PARK7: variants seen among roughly 807,000 people sequenced by gnomAD.
PARK7 encodes the protein Parkinsonism associated deglycase, also known as Parkinson disease protein 7.
PARK7 carries 14 observed loss-of-function variants against 20.5 expected under a neutral mutation model. The observed-to-expected ratio is 0.68, with a 90% CI of 0.45 to 1.07. The LOEUF is 1.07. Among genes scored for constraint, PARK7 ranks in the 50% least tolerant of loss-of-function variants. PARK7 has a pLI of 0.00. For synonymous variants in PARK7, 98 were observed against 84.3 expected (o/e 1.16, Z -0.89); for missense variants, 234 against 238.1 (o/e 0.98, Z 0.11).
chr1:7,965,357 G>C lies in PARK7; in HGVS notation c.124G>C (p.Asp42His). 6.2e-7 allele frequency: 1 copy of C among 1,614,174 alleles called. No homozygotes were observed. Among genetic ancestry groups the C allele is most frequent in the South Asian group, 1.1e-5 (1 of 91,088 alleles). Reference protein sequence around the residue: ...KVTVAGLAGKDPVQCSRDVVI... With the variant: ...KVTVAGLAGKHPVQCSRDVVI... The stretch of plus-strand genomic sequence containing the variant: ...CACCGTTGCAGGCCTGGCTGGAAAA[G>C]ACCCAGTACAGTGTAGCCGTGATGT... Residue 42 changes from aspartate to histidine, a missense_variant, in exon 3 of 7, where the codon GAC becomes CAC. By Grantham distance (81) the Asp-to-His change is moderately conservative. Transcript: ENST00000338639.
intron 6 of PARK7, among the ~76,000 whole-genome samples, chr1:7,982,589 G>A (rs1377281018): frequency 1.3e-5 from 2 of 152,154 alleles, no homozygotes; most frequent in Non-Finnish European, 2.9e-5. Flanking sequence ...CCCTGTTTGC[G>A]ATGTTTTAGC....
At chr1:7,980,242 T>A (rs772322301) in intron 6 of PARK7, among the ~76,000 whole-genome samples, 1 of 152,138 alleles carries the variant, frequency 6.6e-6, no homozygotes, top group African/African-American at 2.4e-5. Context: ...TAATTTACTT[T>A]AAGCTCATGG....
intron 3 of PARK7, among the ~76,000 whole-genome samples, chr1:7,967,495 C>T (rs140407371): frequency 1.3e-5 from 2 of 152,162 alleles, no homozygotes; most frequent in Non-Finnish European, 2.9e-5. Flanking sequence ...GAAGTGGTTA[C>T]CTTTTGTGTG....
In PARK7 at chr1:7,984,389, T is replaced by C. The variant is rs137882968; in HGVS notation, c.410-505T>C. Reference sequence around the variant, plus strand: ...GGGGATGCGGAAGGAAAGTAGTCCTTGAGAGGGAATGTGGTTTCTACCTGC... The same window carrying C: ...GGGGATGCGGAAGGAAAGTAGTCCTCGAGAGGGAATGTGGTTTCTACCTGC... On this transcript the variant is annotated intron_variant, in intron 6 of 6. Transcript: ENST00000338639. This position sits in a 1 kb window ranked among gnomAD's most constrained non-coding sequence, Gnocchi z 4.3. Among the ~76,000 whole-genome samples, 1 of 152,282 alleles carries C rather than the reference T, an allele frequency of 6.6e-6. No homozygotes were observed. Among genetic ancestry groups the C allele is most frequent in the East Asian group, 1.9e-4 (1 of 5,178 alleles).
intron 6 of PARK7, among the ~76,000 whole-genome samples, chr1:7,978,314 G>A (rs1640630416): frequency 6.6e-6 from 1 of 151,568 alleles, no homozygotes; most frequent in South Asian, 2.1e-4. Context: ...TTGACCTTGT[G>A]ATCTGCCTGC....
At chr1:7,965,525 T>G in intron 3 of PARK7, 100 bp downstream of exon 3, 2 of 1,058,196 alleles carry the variant, frequency 1.9e-6, no homozygotes, top group Non-Finnish European at 2.9e-6. Flanking sequence ...AGAAAATTAT[T>G]TTGCTTGAAT....
chr1:7,969,527 GAAA>G lies in PARK7; in HGVS notation c.252+130_252+132del, dbSNP rs550151906. 5 of 708,214 alleles carry G rather than the reference GAAA, an allele frequency of 7.1e-6. No individual in the cohort carries two copies. In the East Asian group the frequency reaches 1.5e-4, roughly 21 times the overall value. 43.9% of individuals were successfully genotyped at this position (708,214 alleles called of 1,614,324 possible). ...TTCAAATATTTCGGGAGGAGGCTGT[GAAA>G]AAAAAATAGAAACAACTAAAATTAA... On this transcript the variant is annotated intron_variant, in intron 4 of 6. Coordinates refer to ENST00000338639, the MANE Select transcript of PARK7 (RefSeq NM_007262.5).
Position 7,965,403 on chromosome 1 carries a change from G to T in PARK7, c.170G>T (p.Ser57Ile), listed in dbSNP as rs1418733118. 6.2e-7 allele frequency: 1 copy of T among 1,614,182 alleles called. No individual in the cohort carries two copies. Among genetic ancestry groups the T allele is most frequent in the Non-Finnish European group, 8.5e-7 (1 of 1,180,030 alleles). ...GATGTGGTCATTTGTCCTGATGCCA[G>T]CCTTGAAGATGCAAAAAAAGAGGTT... ...SRDVVICPDA[S>I]LEDAKKEGPY... The change falls in exon 3 of 7, where the codon AGC becomes ATC. Residue 57 changes from serine (S) to isoleucine (I), a missense_variant. Ser to Ile is a moderately radical substitution (Grantham distance 142). Transcript: ENST00000338639.
intron 5 of PARK7, among the ~76,000 whole-genome samples, chr1:7,972,909 G>T (rs1411456274): frequency 6.6e-6 from 1 of 152,086 alleles, no homozygotes; most frequent in Non-Finnish European, 1.5e-5. Context: ...CAGTTAGCTG[G>T]GTATGGTGAT....
Position 7,977,720 on chromosome 1 carries a change from G to A in PARK7, c.391G>A (p.Asp131Asn). 6.2e-7 allele frequency: 1 copy of A among 1,614,074 alleles called. No homozygotes were observed. The highest frequency in any genetic ancestry group is 2.2e-5 in the East Asian group (1 of 44,882). The change falls in exon 6 of 7, where the codon GAC (aspartate) becomes AAC (asparagine). Residue 131 changes from aspartate (D) to asparagine (N), a missense_variant. Coordinates refer to ENST00000338639, the MANE Select transcript of PARK7 (RefSeq NM_007262.5). ...SKVTTHPLAKDKMMNGGHYTY... is the reference protein window; with the variant it reads ...SKVTTHPLAKNKMMNGGHYTY... ...AGTTACAACACACCCTCTTGCTAAA[G>A]ACAAAATGATGAATGGAGGTAAGTA...
At chr1:7,965,216 C>A in intron 2 of PARK7, 108 bp from the exon 3 acceptor site, 1 of 982,868 alleles carries the variant, frequency 1.0e-6, no homozygotes, top group Non-Finnish European at 1.6e-6. Context: ...CCCTCTAGCC[C>A]AGGTGACAGG....
intron 5 of PARK7, among the ~76,000 whole-genome samples, chr1:7,975,100 C>T (rs1640550756): frequency 6.6e-6 from 1 of 152,072 alleles, no homozygotes; most frequent in South Asian, 2.1e-4. Flanking sequence ...GTGATCCGCC[C>T]ACCTTGGCCT....
At position 7,969,390 on chromosome 1, in the gene PARK7, C is replaced by T. The variant is rs1038749229; in HGVS notation, c.238C>T (p.Gln80Ter). The T allele has an allele frequency of 6.2e-7, 1 of 1,604,740 alleles. No homozygotes were observed. Among genetic ancestry groups the T allele is most frequent in the African/African-American group, 1.3e-5 (1 of 74,288 alleles). Residue 80 changes from glutamine to a stop codon, truncating the protein, a stop_gained, in exon 4 of 7, where the codon CAG (glutamine) becomes TAG (stop). Transcript: ENST00000338639. LOFTEE classifies it high-confidence loss of function. ...TCTACCAGGAGGTAATCTGGGCGCA[C>T]AGAATTTATCTGAGGTAAAAAATTC... ...VVLPGGNLGA[Q>*]NLSESAAVKE...
At position 7,962,759 on chromosome 1, in the gene PARK7, TAA is replaced by T; in HGVS notation, c.-23-3_-23-2del. 1 of 1,449,646 alleles carries T rather than the reference TAA, an allele frequency of 6.9e-7. No individual in the cohort carries two copies. The highest frequency in any genetic ancestry group is 9.5e-7 in the Non-Finnish European group (1 of 1,053,966). 89.8% of individuals were successfully genotyped at this position (1,449,646 alleles called of 1,614,324 possible). A position where few individuals can be genotyped will look rare whatever the true frequency, so the allele number is the denominator to read the frequency against. On this transcript the variant is annotated splice_acceptor_variant and splice_polypyrimidine_tract_variant and intron_variant, in intron 1 of 6. Coordinates refer to ENST00000338639, the MANE Select transcript of PARK7 (RefSeq NM_007262.5). LOFTEE classifies it low-confidence loss of function (5UTR_SPLICE). ...TGAAATCTTTTTTTTTTTTTTTTTT[TAA>T]GGCTTGTAAACATATAACATAAAAA...
In PARK7 at chr1:7,985,134, T is replaced by C. The variant is rs1368734223; in HGVS notation, c.*80T>C. ...ACTGTGTTCGCTCTAAACAAAACAG[T>C]GGTAGGTTAATGTGTTCAGAAGTCG... On this transcript the variant is annotated 3_prime_UTR_variant, in exon 7 of 7. Coordinates refer to ENST00000338639, the MANE Select transcript of PARK7 (RefSeq NM_007262.5). 5.2e-6 allele frequency: 8 copies of C among 1,549,908 alleles called. No homozygotes were observed. The highest frequency in any genetic ancestry group is 7.0e-6 in the Non-Finnish European group (8 of 1,146,402).
chr1:7,966,105 G>A (rs145476508), intron 3 of PARK7, among the ~76,000 whole-genome samples: 93 of 152,136 alleles, frequency 6.1e-4, no homozygotes, highest in Non-Finnish European at 1.2e-3. Context: ...TCAGAAACAT[G>A]CTCCCCCACA....
At position 7,970,965 on chromosome 1, in the gene PARK7, T is replaced by C; in HGVS notation, c.322+2T>C. 6.2e-7 allele frequency: 1 copy of C among 1,614,164 alleles called. No individual in the cohort carries two copies. The highest frequency in any genetic ancestry group is 8.5e-7 in the Non-Finnish European group (1 of 1,180,022). On this transcript the variant is annotated splice_donor_variant, in intron 5 of 6. Coordinates refer to ENST00000338639, the MANE Select transcript of PARK7 (RefSeq NM_007262.5). LOFTEE classifies it high-confidence loss of function. ...GCCTGATAGCCGCCATCTGTGCAGG[T>C]GACGTGCAGGGGCAGCCTGTGTTGC...
At chr1:7,963,989 G>A (rs574991576) in intron 2 of PARK7, among the ~76,000 whole-genome samples, 2 of 151,804 alleles carry the variant, frequency 1.3e-5, no homozygotes, top group African/African-American at 2.4e-5. Flanking sequence ...CTAATTTTTT[G>A]TATTTTTAGT....
At chr1:7,967,658 C>T (rs1640357390) in intron 3 of PARK7, among the ~76,000 whole-genome samples, 1 of 152,170 alleles carries the variant, frequency 6.6e-6, no homozygotes, top group Non-Finnish European at 1.5e-5. Context: ...GTGGTTCACA[C>T]CTGAAATCCT....
Sources: allele counts gnomAD v4.1 joint callset (sites outside exome capture counted in the v4.1 genomes callset), GRCh38; gene constraint gnomAD v4.1.1; non-coding constraint Gnocchi (gnomAD v3.1); transcripts MANE v1.5; gene names NCBI Gene and HGNC (gene_info 2026-07-23, HGNC 2026-07-21).